The following PCLO variants were observed in gnomAD, a reference collection of about 807,000 sequenced individuals.
The protein encoded by PCLO is piccolo presynaptic cytomatrix protein, also known as protein piccolo.
A neutral mutation model predicts 427.5 loss-of-function variants in PCLO; 82 were observed. That is an observed-to-expected ratio of 0.19 (90% CI 0.16 to 0.23). PCLO has a LOEUF of 0.23. Among genes scored for constraint, PCLO ranks in the 10% least tolerant of loss-of-function variants. PCLO has a pLI of 1.00. For missense variants in PCLO, 6,239 were observed against 6,115.9 expected, an observed-to-expected ratio of 1.02 and a Z score of -0.67; for synonymous variants, 2,357 against 2,155.4, an observed-to-expected ratio of 1.09 and a Z score of -2.59.
intron 3 of PCLO, among the ~76,000 whole-genome samples, chr7:82,975,730 C>T (rs753872341): frequency 6.6e-6 from 1 of 152,080 alleles, no homozygotes; most frequent in Admixed American, 6.6e-5. Context: ...GTAATCCCCA[C>T]GTGTGGAGGG....
chr7:83,094,849 T>C (rs890504832), intron 3 of PCLO, among the ~76,000 whole-genome samples: 3 of 152,160 alleles, frequency 2.0e-5, no homozygotes, highest in Admixed American at 1.3e-4. Context: ...TTTTCCTACA[T>C]TGCTGAATTC....
In PCLO at chr7:82,913,524, T is replaced by C. The variant is rs557255034; in HGVS notation, c.13300+1162A>G. 2.6e-5 allele frequency among the ~76,000 whole-genome samples: 4 copies of C among 151,932 alleles called. No individual in the cohort carries two copies. In the South Asian group the frequency reaches 8.3e-4, roughly 32 times the overall value. Reference sequence around the variant, plus strand: ...TTTTATTTCCAGAACTCCATCTACATCTACATTCAAATGTAAACCAAAGGA... The same window carrying C: ...TTTTATTTCCAGAACTCCATCTACACCTACATTCAAATGTAAACCAAAGGA... On this transcript the variant is annotated intron_variant, in intron 7 of 24. Transcript: ENST00000333891.
At chr7:82,870,276 A>T (rs79703086) in intron 10 of PCLO, among the ~76,000 whole-genome samples, 2,576 of 152,162 alleles carry the variant, frequency 0.017, 93 homozygotes, top group African/African-American at 0.059. Flanking sequence ...AGAACCCAGA[A>T]ATAAGTACAT....
intron 3 of PCLO, among the ~76,000 whole-genome samples, chr7:83,097,555 CATATATTATAT>C (rs1209679664): frequency 2.1e-5 from 3 of 145,980 alleles, no homozygotes; most frequent in Admixed American, 6.9e-5. Flanking sequence ...ATATAAAATA[CATATATTATAT>C]ATATATTTTA....
At chr7:83,022,594 T>TAAAC (rs1788372655) in intron 3 of PCLO, among the ~76,000 whole-genome samples, 1 of 152,176 alleles carries the variant, frequency 6.6e-6, no homozygotes, top group South Asian at 2.1e-4. Context: ...ATACACTAGC[T>TAAAC]AAACACTAAA....
intron 22 of PCLO, among the ~76,000 whole-genome samples, chr7:82,792,234 CA>C (rs1245833676): frequency 1.3e-5 from 2 of 151,986 alleles, no homozygotes; most frequent in African/African-American, 4.8e-5. Flanking sequence ...TTATTTACTT[CA>C]AATAATACCA....
chr7:82,762,472 T>A (rs1790451227), intron 22 of PCLO, among the ~76,000 whole-genome samples: 1 of 152,172 alleles, frequency 6.6e-6, no homozygotes, highest in Admixed American at 6.6e-5. Flanking sequence ...AACATGGCTG[T>A]AGATAATTTA....
chr7:83,043,912 CTTTTTTTTTTTTTTT>C (rs869061778), intron 3 of PCLO, among the ~76,000 whole-genome samples: 1 of 94,910 alleles, frequency 1.1e-5, no homozygotes, highest in Non-Finnish European at 2.0e-5. Context: ...CTATTATTTT[CTTTTTTTTTTTTTTT>C]TTTTTTTTGC....
chr7:82,863,829 T>C (rs912559086), intron 10 of PCLO, among the ~76,000 whole-genome samples: 1 of 152,052 alleles, frequency 6.6e-6, no homozygotes, highest in Admixed American at 6.6e-5. Context: ...TGATTGGTGG[T>C]TATTTCAGTT....
At chr7:83,043,745 G>C (rs1455726346) in intron 3 of PCLO, among the ~76,000 whole-genome samples, 4 of 152,082 alleles carry the variant, frequency 2.6e-5, no homozygotes, top group Admixed American at 1.3e-4. Flanking sequence ...TGTGGTTGGG[G>C]TGGACAGAAG....
intron 6 of PCLO, among the ~76,000 whole-genome samples, chr7:82,948,145 T>C (rs566205614): frequency 6.6e-5 from 10 of 152,194 alleles, no homozygotes; most frequent in Admixed American, 3.9e-4. Context: ...ACTATATTAA[T>C]AGATTAAATT....
intron 13 of PCLO, among the ~76,000 whole-genome samples, chr7:82,843,757 C>T (rs1584037755): frequency 6.6e-6 from 1 of 151,532 alleles, no homozygotes; most frequent in African/African-American, 2.4e-5. Flanking sequence ...CTCCGCCTCC[C>T]ATATTCAAGT....
intron 6 of PCLO, among the ~76,000 whole-genome samples, chr7:82,925,908 G>A (rs991576816): frequency 9.9e-5 from 15 of 151,164 alleles, no homozygotes; most frequent in East Asian, 2.0e-4. Context: ...TTGTAGAGAC[G>A]GGGTCCCACT....
chr7:82,917,270 G>A (rs1794490288), intron 6 of PCLO, among the ~76,000 whole-genome samples: 1 of 151,968 alleles, frequency 6.6e-6, no homozygotes, highest in African/African-American at 2.4e-5. Flanking sequence ...TGGAGTGGCT[G>A]TCATTCCCAT....
intron 3 of PCLO, among the ~76,000 whole-genome samples, chr7:83,000,343 T>C (rs1033308306): frequency 1.3e-5 from 2 of 151,404 alleles, no homozygotes; most frequent in African/African-American, 4.8e-5. Context: ...ACTCTGAAAC[T>C]ATCTCTACAA....
rs759733005 is a variant in PCLO, at chr7:82,914,637, T to A, written c.13300+49A>T. 3 of 1,575,230 alleles carry A rather than the reference T, an allele frequency of 1.9e-6. No individual in the cohort carries two copies. In the African/African-American group the frequency reaches 4.0e-5, roughly 21 times the overall value. On this transcript the variant is annotated intron_variant, in intron 7 of 24. Transcript: ENST00000333891. ...AAGGGAAATTAAACATGCAGAAAAA[T>A]AAGAGTTTGAGTTTTGAGAGTAACA...
chr7:83,154,979 A>G lies in PCLO; in HGVS notation c.1662T>C (p.Ser554=). Residue 554 remains serine, a synonymous_variant, in exon 2 of 25, where the codon TCT becomes TCC. Transcript: ENST00000333891. ...PSPAKPSAQQ[S]TKPVSQTGSG... ...ATCCTGTTTGGCTTACTGGTTTTGTAGATTGCTGAGCCGAGGGCTTTGCTG... is the reference window on the plus strand; with the variant it reads ...ATCCTGTTTGGCTTACTGGTTTTGTGGATTGCTGAGCCGAGGGCTTTGCTG... 1 of 1,613,962 alleles carries G rather than the reference A, an allele frequency of 6.2e-7. No individual in the cohort carries two copies. The highest frequency in any genetic ancestry group is 8.5e-7 in the Non-Finnish European group (1 of 1,179,886).
intron 10 of PCLO, among the ~76,000 whole-genome samples, chr7:82,867,283 A>G (rs1329312561): frequency 6.6e-6 from 1 of 152,166 alleles, no homozygotes; most frequent in Non-Finnish European, 1.5e-5. Flanking sequence ...ATGCCTTTTT[A>G]CTACTTACAA....
At chr7:82,778,614 TAG>T (rs1258057632) in intron 22 of PCLO, among the ~76,000 whole-genome samples, 2 of 152,204 alleles carry the variant, frequency 1.3e-5, no homozygotes, top group African/African-American at 2.4e-5. Context: ...CTGAAAGTTT[TAG>T]AGTGTTACTT....
Sources: gnomAD v4.1 joint callset for allele counts (sites outside exome capture counted in the v4.1 genomes callset) on GRCh38, gnomAD v4.1.1 for gene constraint, MANE v1.5 for transcripts, NCBI Gene and HGNC (gene_info 2026-07-23, HGNC 2026-07-21) for gene names.